The following ZFR variants were observed in gnomAD, a reference collection of about 807,000 sequenced individuals.
ZFR encodes zinc finger RNA binding protein, also known as zinc finger RNA-binding protein.
ZFR carries 19 observed loss-of-function variants against 130.7 expected under a neutral mutation model. The ratio of observed to expected loss-of-function variants is 0.15; its 90% CI spans 0.10 to 0.21. The LOEUF is 0.21. Among genes scored for constraint, ZFR ranks in the 10% least tolerant of loss-of-function variants. The pLI, the probability that ZFR is intolerant of heterozygous loss-of-function variation, is 1.00. For missense variants in ZFR, 872 were observed against 1,321.5 expected (o/e 0.66, Z 5.27); for synonymous variants, 466 against 456.9 (o/e 1.02, Z -0.25).
chr5:32,411,704 AATTG>A (rs1561903871), intron 5 of ZFR, among the ~76,000 whole-genome samples: 4 of 42,326 alleles, frequency 9.5e-5, no homozygotes, highest in Admixed American at 6.1e-4. Flanking sequence ...AAAAAAAAAA[AATTG>A]AGGGGGGGCG....
chr5:32,431,276 T>TA (rs1256003978), intron 2 of ZFR, among the ~76,000 whole-genome samples: 2 of 152,128 alleles, frequency 1.3e-5, no homozygotes, highest in Non-Finnish European at 2.9e-5. Flanking sequence ...GTCACGGGGT[T>TA]AAAAAAATCT....
chr5:32,415,528 G>GCGCGCA (rs1554073640), intron 4 of ZFR, among the ~76,000 whole-genome samples: 23 of 151,418 alleles, frequency 1.5e-4, no homozygotes, highest in African/African-American at 5.3e-4. Flanking sequence ...GCGCGCGCGC[G>GCGCGCA]CGCGCACTAG....
At chr5:32,431,955 G>A (rs1273874417) in intron 2 of ZFR, among the ~76,000 whole-genome samples, 1 of 151,730 alleles carries the variant, frequency 6.6e-6, no homozygotes, top group Non-Finnish European at 1.5e-5. Flanking sequence ...CTCCCGAGTA[G>A]CAGCTGAGAC....
In ZFR at chr5:32,388,552, T is replaced by C. The variant is rs765538085; in HGVS notation, c.2265A>G (p.Leu755=). The change falls in exon 13 of 20, where the codon TTA becomes TTG. Residue 755 remains leucine, a synonymous_variant. Transcript: ENST00000265069. ...QKIVSITERA[L]KLVSDSLSEH... ...CAGACAAACTGTCTGAAACGAGTTTTAAAGCACGTTCAGTAATAGAAACAA... is the reference window on the plus strand; with the variant it reads ...CAGACAAACTGTCTGAAACGAGTTTCAAAGCACGTTCAGTAATAGAAACAA... 6.2e-7 allele frequency: 1 copy of C among 1,614,068 alleles called. No homozygotes were observed. Among genetic ancestry groups the C allele is most frequent in the East Asian group, 2.2e-5 (1 of 44,848 alleles).
intron 2 of ZFR, among the ~76,000 whole-genome samples, chr5:32,441,953 C>CA (rs35866465): frequency 0.63 from 94,647 of 150,300 alleles, 30,027 homozygotes; most frequent in African/African-American, 0.72. Context: ...GTTTCAAGGC[C>CA]AAAAAAAAAA....
At chr5:32,444,094 G>T in intron 2 of ZFR, 135 bp downstream of exon 2, 1 of 869,402 alleles carries the variant, frequency 1.2e-6, no homozygotes, top group Non-Finnish European at 1.5e-6. Flanking sequence ...AGAGGCCGCC[G>T]GGCTGGGCCG....
At chr5:32,377,234 C>CCT (rs765350589) in intron 17 of ZFR, among the ~76,000 whole-genome samples, 1 of 148,360 alleles carries the variant, frequency 6.7e-6, no homozygotes, top group Non-Finnish European at 1.5e-5. Context: ...CTCTCTCTCT[C>CCT]CTCTCTCTCT....
chr5:32,434,021 G>C (rs948072423), intron 2 of ZFR, among the ~76,000 whole-genome samples: 2 of 152,226 alleles, frequency 1.3e-5, no homozygotes, highest in Non-Finnish European at 2.9e-5. Flanking sequence ...AGTGAGCCAA[G>C]ATTGTGCCAC....
chr5:32,389,539 C>G (rs1369424526), intron 12 of ZFR, among the ~76,000 whole-genome samples: 1 of 152,110 alleles, frequency 6.6e-6, no homozygotes, highest in South Asian at 2.1e-4. Context: ...TTGTTTCTGA[C>G]AGGTATAGAG....
At chr5:32,388,742 A>G in intron 12 of ZFR, 68 bp from the exon 13 acceptor site, 21 of 1,334,208 alleles carry the variant, frequency 1.6e-5, no homozygotes, top group Non-Finnish European at 2.2e-5. Context: ...ATATTTTTCA[A>G]CTATACATAT....
chr5:32,371,205 A>G (rs946333609), intron 17 of ZFR, among the ~76,000 whole-genome samples: 1 of 152,160 alleles, frequency 6.6e-6, no homozygotes, highest in African/African-American at 2.4e-5. Flanking sequence ...TCTCATCTCT[A>G]TTAAAAATAA....
intron 9 of ZFR, among the ~76,000 whole-genome samples, chr5:32,399,797 A>G (rs973437723): frequency 3.3e-5 from 5 of 152,140 alleles, no homozygotes; most frequent in Admixed American, 2.0e-4. Context: ...GGAAAATAAT[A>G]TAAAAGTTAG....
intron 15 of ZFR, among the ~76,000 whole-genome samples, chr5:32,380,724 C>G (rs1372777470): frequency 7.2e-6 from 1 of 139,546 alleles, no homozygotes; most frequent in East Asian, 2.2e-4. Context: ...TCTCAGATCA[C>G]TGCAACCTCG....
chr5:32,397,385 A>C, intron 9 of ZFR, 47 bp from the exon 10 acceptor site: 1 of 1,592,280 alleles, frequency 6.3e-7, no homozygotes. Flanking sequence ...TGAAGATTAT[A>C]TCATTCATAA....
intron 5 of ZFR, among the ~76,000 whole-genome samples, chr5:32,407,794 A>G (rs1402185853): frequency 6.6e-6 from 1 of 152,198 alleles, no homozygotes; most frequent in African/African-American, 2.4e-5. Flanking sequence ...ACTCCAGTGA[A>G]TAAGTACATT....
intron 8 of ZFR, among the ~76,000 whole-genome samples, chr5:32,402,894 C>G (rs1371373541): frequency 6.6e-6 from 1 of 150,900 alleles, no homozygotes; most frequent in Non-Finnish European, 1.5e-5. Context: ...GAGGAAGACA[C>G]AGATATATCT....
At chr5:32,405,955 G>C (rs1356066907) in intron 6 of ZFR, among the ~76,000 whole-genome samples, 1 of 152,216 alleles carries the variant, frequency 6.6e-6, no homozygotes, top group African/African-American at 2.4e-5. Context: ...GTGTTACACA[G>C]GTAGGGCAAA....
intron 4 of ZFR, among the ~76,000 whole-genome samples, chr5:32,416,134 A>G (rs1415754640): frequency 6.6e-6 from 1 of 152,140 alleles, no homozygotes; most frequent in Non-Finnish European, 1.5e-5. Flanking sequence ...ATGTAACACA[A>G]AAAGATAATA....
intron 11 of ZFR, chr5:32,394,552 T>A (rs1753254216): frequency 6.4e-6 from 1 of 156,334 alleles, no homozygotes; most frequent in African/African-American, 2.4e-5. Context: ...GGGCTGGGGC[T>A]GGGGGAGATA....
Sources: allele counts gnomAD v4.1 joint callset (sites outside exome capture counted in the v4.1 genomes callset), GRCh38; gene constraint gnomAD v4.1.1; transcripts MANE v1.5; gene names NCBI Gene and HGNC (gene_info 2026-07-23, HGNC 2026-07-21).